NFXL1: variants seen among roughly 807,000 people sequenced by gnomAD.
NFXL1 encodes NF-X1-type zinc finger protein NFXL1.
In NFXL1, 66 loss-of-function variants were observed where a neutral mutation model predicts 123.3. That is an observed-to-expected ratio of 0.54 (90% CI 0.44 to 0.66). NFXL1 has a LOEUF of 0.66. NFXL1 is among the 30% of genes least tolerant of loss of function. The probability of loss-of-function intolerance (pLI) is 0.00; values close to 1 mark genes in which losing one functional copy is unlikely to be tolerated. For missense variants in NFXL1, 944 were observed against 1,125.6 expected (o/e 0.84, Z 2.31); for synonymous variants, 346 against 360.8 (o/e 0.96, Z 0.46).
intron 16 of NFXL1, 73 bp from the exon 17 acceptor site, chr4:47,878,738 TTACTC>T: frequency 9.2e-7 from 1 of 1,088,490 alleles, no homozygotes; most frequent in Non-Finnish European, 1.2e-6. Flanking sequence ...GTTTCCAAAA[TTACTC>T]TGCTATCATT....
chr4:47,852,755 A>G (rs1237212451), intron 20 of NFXL1, among the ~76,000 whole-genome samples: 1 of 151,986 alleles, frequency 6.6e-6, no homozygotes, highest in Admixed American at 6.6e-5. Context: ...CTTTTGTAGT[A>G]CATCTATCTT....
Position 47,848,261 on chromosome 4 carries a change from C to CAACT in NFXL1, c.2634_2637dup (p.Glu880SerfsTer2). 2 of 1,612,666 alleles carry CAACT rather than the reference C, an allele frequency of 1.2e-6. No homozygotes were observed. Among genetic ancestry groups the CAACT allele is most frequent in the Non-Finnish European group, 1.7e-6 (2 of 1,178,914 alleles). ...TTATGTTTTTGCCATAGTGATAGCT[C>CAACT]AACTGCCACTTCATCTCTTTTCCTG... On this transcript the variant is annotated frameshift_variant, in exon 23 of 23. Transcript: ENST00000507489. LOFTEE classifies it low-confidence loss of function (END_TRUNC).
At chr4:47,871,132 C>A (rs895922359) in intron 18 of NFXL1, among the ~76,000 whole-genome samples, 2 of 152,080 alleles carry the variant, frequency 1.3e-5, no homozygotes, top group African/African-American at 4.8e-5. Context: ...GGGCAGATCA[C>A]GAGGTCAGGA....
rs1435916446 is a variant in NFXL1 at position 47,851,824 on chromosome 4, A to G, written c.2508+32T>C. 2.3e-6 allele frequency: 3 copies of G among 1,322,518 alleles called. No individual in the cohort carries two copies. In the East Asian group the frequency reaches 6.9e-5, roughly 30 times the overall value. The allele number at this position is 1,322,518 out of a possible 1,614,324, so 81.9% of individuals were successfully genotyped here. A position where few individuals can be genotyped will look rare whatever the true frequency, so the allele number is the denominator to read the frequency against. On this transcript the variant is annotated intron_variant, in intron 21 of 22. Transcript: ENST00000507489. ...ACAAAATAAGAAGGGAAAGGCCACT[A>G]GTCTTTAAAATGATATTTAACGAGA...
chr4:47,900,458 C>A (rs1434589669), intron 5 of NFXL1, among the ~76,000 whole-genome samples: 1 of 152,200 alleles, frequency 6.6e-6, no homozygotes, highest in Non-Finnish European at 1.5e-5. Context: ...GATTCACCAG[C>A]CTTGGCCTCC....
At chr4:47,903,776 T>A (rs1370593384) in intron 4 of NFXL1, among the ~76,000 whole-genome samples, 1 of 152,096 alleles carries the variant, frequency 6.6e-6, no homozygotes, top group Non-Finnish European at 1.5e-5. Context: ...TCTTTAAACA[T>A]AAATATGTAC....
At chr4:47,881,535 C>G (rs1736114656) in intron 15 of NFXL1, among the ~76,000 whole-genome samples, 1 of 152,092 alleles carries the variant, frequency 6.6e-6, no homozygotes, top group South Asian at 2.1e-4. Flanking sequence ...AGTATTTACC[C>G]AAATGAGCTG....
intron 22 of NFXL1, among the ~76,000 whole-genome samples, chr4:47,850,154 C>T (rs1310966207): frequency 1.3e-5 from 2 of 151,972 alleles, no homozygotes; most frequent in Non-Finnish European, 2.9e-5. Context: ...CTAAACTATT[C>T]TTAATAACTT....
chr4:47,875,284 C>T lies in NFXL1; in HGVS notation c.2089G>A (p.Glu697Lys), dbSNP rs1425706976. 1 of 1,609,278 alleles carries T rather than the reference C, an allele frequency of 6.2e-7. No individual in the cohort carries two copies. The highest frequency in any genetic ancestry group is 2.2e-5 in the East Asian group (1 of 44,734). Reference sequence around the variant, plus strand: ...CACCCTTCCTCACAATGAAGGCATTCTGGGCCAGCCTGAAAAACAGCATGG... The same window carrying T: ...CACCCTTCCTCACAATGAAGGCATTTTGGGCCAGCCTGAAAAACAGCATGG... ...GCTGKNKAGP[E>K]CLHCEEGCSK... The change falls in exon 18 of 23, where the codon GAA becomes AAA. Residue 697 changes from glutamate (E) to lysine (K), a missense_variant. Around this residue, in one of 4 missense-constraint regions of NFXL1, gnomAD observed 301 missense variants for 348.0 expected, o/e 0.86. Coordinates refer to ENST00000507489, the MANE Select transcript of NFXL1 (RefSeq NM_001278624.2).
chr4:47,877,937 C>T (rs906031769), intron 17 of NFXL1, among the ~76,000 whole-genome samples: 1 of 151,964 alleles, frequency 6.6e-6, no homozygotes, highest in Non-Finnish European at 1.5e-5. Flanking sequence ...TTAACACTAG[C>T]TACATTTGTT....
Position 47,890,098 on chromosome 4 carries a change from G to A in NFXL1, c.1543+515C>T, listed in dbSNP as rs192315691. 4.3e-3 allele frequency among the ~76,000 whole-genome samples: 646 copies of A among 151,634 alleles called. 7 individuals are homozygous for A. The highest frequency in any genetic ancestry group is 0.017 in the Middle Eastern group (5 of 294). On this transcript the variant is annotated intron_variant, in intron 12 of 22. Coordinates refer to ENST00000507489, the MANE Select transcript of NFXL1 (RefSeq NM_001278624.2). Reference sequence around the variant, plus strand: ...TATTTTAATTTCAAATACAATAAATGTCAATGAATAAAACTCACATTAACA... The same window carrying A: ...TATTTTAATTTCAAATACAATAAATATCAATGAATAAAACTCACATTAACA...
At chr4:47,878,449 A>C in intron 17 of NFXL1, 76 bp downstream of exon 17, 1 of 1,153,676 alleles carries the variant, frequency 8.7e-7, no homozygotes, top group Non-Finnish European at 1.2e-6. Context: ...AAACAGAAAA[A>C]TATTTATGGT....
Position 47,914,031 on chromosome 4 carries a change from G to A in NFXL1, c.173C>T (p.Ala58Val), listed in dbSNP as rs1430643742. The A allele has an allele frequency of 1.3e-6, 2 of 1,548,914 alleles. No individual in the cohort carries two copies. The highest frequency in any genetic ancestry group is 2.0e-5 in the Admixed American group (1 of 51,004). Residue 58 changes from alanine to valine, a missense_variant, in exon 2 of 23, where the codon GCG (alanine) becomes GTG (valine). This residue lies in a region of NFXL1 where 303 missense variants were observed against 292.1 expected (regional missense o/e 1.04). Coordinates refer to ENST00000507489, the MANE Select transcript of NFXL1 (RefSeq NM_001278624.2). ...GGGGCTGTGCCTGCTCCCTGCAGCC[G>A]CCGTGGTCGCGACTCCTCCGGGACT... ...GTSPGGVATT[A>V]AAGSRHSPAG...
At chr4:47,882,218 T>C (rs1481615148) in intron 15 of NFXL1, 1 of 152,136 alleles carries the variant, frequency 6.6e-6, no homozygotes, top group Non-Finnish European at 1.5e-5. Flanking sequence ...TTTAAGAAAA[T>C]AAACACATCA....
chr4:47,904,965 C>T (rs1397182647), intron 4 of NFXL1, among the ~76,000 whole-genome samples: 2 of 152,118 alleles, frequency 1.3e-5, no homozygotes, highest in East Asian at 1.9e-4. Flanking sequence ...CTCTAAAGTA[C>T]AGATGCTAAA....
chr4:47,851,505 T>C (rs1340592766), intron 21 of NFXL1, among the ~76,000 whole-genome samples: 2 of 152,150 alleles, frequency 1.3e-5, no homozygotes, highest in Admixed American at 6.6e-5. Flanking sequence ...AATACTGCTG[T>C]TTCTCTAGAG....
Position 47,875,211 on chromosome 4 carries a change from C to T in NFXL1, c.2162G>A (p.Cys721Tyr), listed in dbSNP as rs1321130605. The stretch of plus-strand genomic sequence containing the variant: ...ACAAGGTGGACATTCTCCAGGGTGA[C>T]ATCGCAAAATACATGGGTGAAGACA... The part of the protein sequence containing the change: ...LGCLHPCILR[C>Y]HPGECPPCVQ... Residue 721 changes from cysteine to tyrosine, a missense_variant, in exon 18 of 23, where the codon TGT becomes TAT. Cys to Tyr is a radical substitution (Grantham distance 194). Coordinates refer to ENST00000507489, the MANE Select transcript of NFXL1 (RefSeq NM_001278624.2). 1 of 1,612,992 alleles carries T rather than the reference C, an allele frequency of 6.2e-7. No individual in the cohort carries two copies. The highest frequency in any genetic ancestry group is 1.3e-5 in the African/African-American group (1 of 74,876).
chr4:47,868,318 C>CAA (rs1213955591), intron 18 of NFXL1, among the ~76,000 whole-genome samples: 22 of 90,834 alleles, frequency 2.4e-4, no homozygotes, highest in African/African-American at 9.5e-4. Context: ...GACTCCGTCT[C>CAA]AAAAAAAAAA....
chr4:47,877,167 A>T (rs1199660443), intron 17 of NFXL1: 3 of 470,188 alleles, frequency 6.4e-6, no homozygotes, highest in African/African-American at 6.0e-5. Flanking sequence ...ATCATGGACA[A>T]ATCACAGAGC....
Sources: allele counts gnomAD v4.1 joint callset (sites outside exome capture counted in the v4.1 genomes callset), GRCh38; gene constraint gnomAD v4.1.1; regional missense constraint gnomAD v4.1.1; transcripts MANE v1.5; gene names NCBI Gene and HGNC (gene_info 2026-07-23, HGNC 2026-07-21).